Variants in ENOX1 observed in about 807,000 individuals in gnomAD.
ENOX1 encodes candidate growth-related and time keeping constitutive hydroquinone (NADH) oxidase.
ENOX1 carries 42 observed loss-of-function variants against 82.5 expected under a neutral mutation model. That is an observed-to-expected ratio of 0.51 (90% CI 0.40 to 0.66). The LOEUF (loss-of-function observed/expected upper bound fraction) is 0.66. Ranked by LOEUF, ENOX1 falls within the 30% of genes least tolerant of loss-of-function variation. The pLI, the probability that ENOX1 is intolerant of heterozygous loss-of-function variation, is 0.00. For missense variants in ENOX1, 608 were observed against 811.6 expected (o/e 0.75, Z 3.05); for synonymous variants, 271 against 282.2 (o/e 0.96, Z 0.40).
At chr13:43,581,459 T>C (rs2080735811) in intron 2 of ENOX1, among the ~76,000 whole-genome samples, 1 of 152,200 alleles carries the variant, frequency 6.6e-6, no homozygotes, top group Non-Finnish European at 1.5e-5. Flanking sequence ...TGGCTTCCTC[T>C]GGCATCAATA....
chr13:43,676,193 T>C (rs2085500133), intron 1 of ENOX1, among the ~76,000 whole-genome samples: 1 of 152,048 alleles, frequency 6.6e-6, no homozygotes, highest in South Asian at 2.1e-4. Flanking sequence ...TCAAAGAACA[T>C]CAAAAGCACT....
chr13:43,685,883 C>G (rs896099417), intron 1 of ENOX1, among the ~76,000 whole-genome samples: 2 of 149,562 alleles, frequency 1.3e-5, no homozygotes, highest in African/African-American at 5.0e-5. Flanking sequence ...AACACACACA[C>G]ACACACACAC....
chr13:43,541,168 CCT>C (rs2078691965), intron 2 of ENOX1, among the ~76,000 whole-genome samples: 1 of 54,452 alleles, frequency 1.8e-5, no homozygotes, highest in Non-Finnish European at 4.5e-5. Flanking sequence ...ACACTTCTTC[CCT>C]CTGTTTTTTT....
At chr13:43,245,639 G>C (rs192383623) in intron 14 of ENOX1, among the ~76,000 whole-genome samples, 6 of 152,260 alleles carry the variant, frequency 3.9e-5, no homozygotes, top group Admixed American at 3.9e-4. Context: ...GTGAAATCTT[G>C]GCACTGCCCA....
In ENOX1 at chr13:43,714,273, G is replaced by C. The variant is rs1413553776; in HGVS notation, c.-284-46729C>G. Among the ~76,000 whole-genome samples, 4 of 152,300 alleles carry C rather than the reference G, an allele frequency of 2.6e-5. 1 individual carries two copies. The East Asian group carries it at 7.7e-4, about 29-fold the overall frequency. ...TTCTAGTTTGATTGCACTGTGGTCT[G>C]AGAGATAGTTTGTTATAATTTCTGT... On this transcript the variant is annotated intron_variant, in intron 1 of 16. Coordinates refer to ENST00000690772, the MANE Select transcript of ENOX1 (RefSeq NM_001347969.2).
rs1472414100 is a variant in ENOX1, at chr13:43,786,787, A to T, written c.-420T>A. ...ACTCTGTCCCGGGCACGGAGCTGGG[A>T]GACGCGGCCGGGCTGCAGTCGCCGT... On this transcript the variant is annotated 5_prime_UTR_variant, in exon 1 of 17. Coordinates refer to ENST00000690772, the MANE Select transcript of ENOX1 (RefSeq NM_001347969.2). This position sits in a 1 kb window ranked among gnomAD's most constrained non-coding sequence, Gnocchi z 6.0. 1 of 152,398 alleles carries T rather than the reference A, an allele frequency of 6.6e-6. No individual in the cohort carries two copies. The highest frequency in any genetic ancestry group is 1.5e-5 in the Non-Finnish European group (1 of 68,454). The allele number at this position is 152,398 out of a possible 1,614,324, so 9.4% of individuals were successfully genotyped here. A position where few individuals can be genotyped will look rare whatever the true frequency, so the allele number is the denominator to read the frequency against.
At chr13:43,735,441 C>T (rs753033698) in intron 1 of ENOX1, among the ~76,000 whole-genome samples, 1 of 152,124 alleles carries the variant, frequency 6.6e-6, no homozygotes, top group African/African-American at 2.4e-5. Flanking sequence ...AAATGTGGGC[C>T]AGGCATGGTG....
intron 8 of ENOX1, among the ~76,000 whole-genome samples, chr13:43,348,044 A>C (rs576596366): frequency 3.2e-4 from 48 of 152,238 alleles, no homozygotes; most frequent in Admixed American, 1.2e-3. Context: ...TTCCTTTGCC[A>C]GAGCCCTCTT....
At chr13:43,521,321 G>T (rs937162015) in intron 2 of ENOX1, among the ~76,000 whole-genome samples, 18 of 152,094 alleles carry the variant, frequency 1.2e-4, no homozygotes, top group African/African-American at 4.1e-4. Context: ...ATGTATCTGG[G>T]TACAACCCGA....
chr13:43,263,327 C>A (rs770356377), intron 14 of ENOX1, among the ~76,000 whole-genome samples: 27 of 152,138 alleles, frequency 1.8e-4, no homozygotes, highest in Non-Finnish European at 3.8e-4. Context: ...ATATCTCCCC[C>A]ACCCCCTAGG....
At chr13:43,222,711 T>A (rs1224707515) in intron 16 of ENOX1, among the ~76,000 whole-genome samples, 1 of 152,100 alleles carries the variant, frequency 6.6e-6, no homozygotes, top group Non-Finnish European at 1.5e-5. Flanking sequence ...CAGGCAAAGG[T>A]GGTGGTGATA....
intron 1 of ENOX1, among the ~76,000 whole-genome samples, chr13:43,743,897 T>C (rs960191007): frequency 6.6e-6 from 1 of 152,106 alleles, no homozygotes; most frequent in African/African-American, 2.4e-5. Context: ...CATCAAAACA[T>C]GGTAGAGAGA....
At chr13:43,638,330 T>TAC (rs560731055) in intron 2 of ENOX1, among the ~76,000 whole-genome samples, 67 of 152,244 alleles carry the variant, frequency 4.4e-4, no homozygotes, top group African/African-American at 1.5e-3. Context: ...GCCAAAGTGG[T>TAC]ACATTGTGTC....
chr13:43,587,982 T>C (rs543127242), intron 2 of ENOX1, among the ~76,000 whole-genome samples: 4 of 151,942 alleles, frequency 2.6e-5, no homozygotes, highest in African/African-American at 9.6e-5. Flanking sequence ...GGAAAGACAG[T>C]TGAAGGCAGA....
rs575489973 is a variant in ENOX1, at chr13:43,257,991, CT to C, written c.1611+7406del. 3.9e-3 allele frequency among the ~76,000 whole-genome samples: 594 copies of C among 152,266 alleles called. 3 individuals carry two copies. Among genetic ancestry groups the C allele is most frequent in the African/African-American group, 0.014 (576 of 41,548 alleles). ...AACTCAATCTGTCAGCTTTATTAAA[CT>C]TGCTAATCCTGTTACATGCTCCAAA... is the stretch of plus-strand genomic sequence containing the variant. On this transcript the variant is annotated intron_variant, in intron 14 of 16. Transcript: ENST00000690772.
intron 2 of ENOX1, among the ~76,000 whole-genome samples, chr13:43,662,807 C>G (rs576931385): frequency 1.3e-5 from 2 of 152,328 alleles, no homozygotes; most frequent in Middle Eastern, 3.4e-3. Context: ...TATGGCCCTT[C>G]CCTTCAACAT....
chr13:43,586,597 G>A lies in ENOX1; in HGVS notation c.-219+80882C>T, dbSNP rs1272634358. Among the ~76,000 whole-genome samples, 4 of 152,154 alleles carry A rather than the reference G, an allele frequency of 2.6e-5. No individual in the cohort carries two copies. In the East Asian group the frequency reaches 7.7e-4, roughly 29 times the overall value. ...GCCTCCCTCTGAATGAAGAGGAGGG[G>A]GCAAGACTTCCTTTCTCATAACCGC... On this transcript the variant is annotated intron_variant, in intron 2 of 16. Coordinates refer to ENST00000690772, the MANE Select transcript of ENOX1 (RefSeq NM_001347969.2).
chr13:43,396,203 T>G (rs1039302993), intron 5 of ENOX1, among the ~76,000 whole-genome samples: 1 of 152,194 alleles, frequency 6.6e-6, no homozygotes, highest in African/African-American at 2.4e-5. Context: ...GGCAGGAGAA[T>G]GTCCTTCCTT....
At chr13:43,270,304 G>A (rs755845444) in intron 12 of ENOX1, among the ~76,000 whole-genome samples, 24 of 152,162 alleles carry the variant, frequency 1.6e-4, no homozygotes, top group Non-Finnish European at 2.9e-4. Flanking sequence ...ACATAGGCTG[G>A]AGAATACATT....
Sources: gnomAD v4.1 joint callset for allele counts (sites outside exome capture counted in the v4.1 genomes callset) on GRCh38, gnomAD v4.1.1 for gene constraint, Gnocchi (gnomAD v3.1) non-coding constraint, MANE v1.5 for transcripts, NCBI Gene and HGNC (gene_info 2026-07-23, HGNC 2026-07-21) for gene names.